The following SLC35F5 variants were observed in gnomAD, a reference collection of about 807,000 sequenced individuals.
SLC35F5 encodes HCV NS5A-transactivated protein 3.
In SLC35F5, 54 loss-of-function variants were observed where a neutral mutation model predicts 68.6. The ratio of observed to expected loss-of-function variants is 0.79; its 90% confidence interval spans 0.63 to 0.99. SLC35F5 has a LOEUF of 0.99. SLC35F5 is among the 50% of genes least tolerant of loss of function. The pLI, the probability that SLC35F5 is intolerant of heterozygous loss-of-function variation, is 0.00. For synonymous variants in SLC35F5, 211 were observed against 205.2 expected (o/e 1.03, Z -0.24); for missense variants, 567 against 626.9 (o/e 0.90, Z 1.02).
intron 7 of SLC35F5, among the ~76,000 whole-genome samples, chr2:113,736,853 C>T (rs1189035610): frequency 6.6e-6 from 1 of 152,076 alleles, no homozygotes; most frequent in Non-Finnish European, 1.5e-5. Context: ...AGAAATAATG[C>T]TTTTTTTGAT....
Position 113,750,578 on chromosome 2 carries a change from A to T in SLC35F5, c.274-10T>A. On this transcript the variant is annotated splice_polypyrimidine_tract_variant and intron_variant, in intron 3 of 15. Transcript: ENST00000245680. ...ACTGGGTAAAAACATACTGTAGAGG[A>T]AAAAGTTACACAGACAACTCTGAGA... 6.3e-7 allele frequency: 1 copy of T among 1,593,978 alleles called. No individual in the cohort carries two copies. The highest frequency in any genetic ancestry group is 8.5e-7 in the Non-Finnish European group (1 of 1,171,250).
downstream of SLC35F5, chr2:113,703,924 CTCCTCGCGG>C (rs1686743990): frequency 6.6e-6 from 1 of 152,442 alleles, no homozygotes; most frequent in Admixed American, 6.5e-5. Context: ...GAAGCCGTGG[CTCCTCGCGG>C]TGAGTGTTAC....
At chr2:113,755,924 C>A in intron 1 of SLC35F5, 2 of 1,550,484 alleles carry the variant, frequency 1.3e-6, no homozygotes, top group South Asian at 2.4e-5. Flanking sequence ...TCTTTTCTGT[C>A]CCTGATCTGC....
chr2:113,755,145 C>T lies in SLC35F5; in HGVS notation c.273+20G>A, dbSNP rs373164471. Reference sequence around the variant, plus strand: ...ATTGTGGCTGTAATGTAACATCATTCCTGGACCAAAGGTACATACCGAAGT... The same window carrying T: ...ATTGTGGCTGTAATGTAACATCATTTCTGGACCAAAGGTACATACCGAAGT... On this transcript the variant is annotated intron_variant, in intron 3 of 15. Transcript: ENST00000245680. 29 of 1,611,292 alleles carry T rather than the reference C, an allele frequency of 1.8e-5. No homozygotes were observed. The African/African-American group carries it at 3.6e-4, about 20-fold the overall frequency.
downstream of SLC35F5, among the ~76,000 whole-genome samples, chr2:113,703,162 TTCTCTC>T (rs142671681): frequency 2.2e-4 from 32 of 147,306 alleles, no homozygotes; most frequent in Middle Eastern, 3.5e-3. Context: ...ATGAATCTCT[TTCTCTC>T]TCTCTCTCTC....
intron 9 of SLC35F5, among the ~76,000 whole-genome samples, chr2:113,731,870 C>G (rs888375733): frequency 6.6e-6 from 1 of 151,818 alleles, no homozygotes; most frequent in Non-Finnish European, 1.5e-5. Flanking sequence ...AATATTATAC[C>G]TTATAAGGAA....
intron 6 of SLC35F5, among the ~76,000 whole-genome samples, chr2:113,743,496 AT>A (rs1676366699): frequency 6.6e-6 from 1 of 152,126 alleles, no homozygotes; most frequent in Non-Finnish European, 1.5e-5. Context: ...AACCATAGAG[AT>A]TTATGGTATT....
At position 113,713,323 on chromosome 2, in the gene SLC35F5, T is replaced by G. The variant is rs908174174; in HGVS notation, c.*1895A>C. ...GGCTTAGTACTTCCAGAATCCTGAG[T>G]AACAACACATGACCTGTGTGATGAT... On this transcript the variant is annotated 3_prime_UTR_variant, in exon 16 of 16. Coordinates refer to ENST00000245680, the MANE Select transcript of SLC35F5 (RefSeq NM_025181.5). 4.6e-5 allele frequency: 7 copies of G among 152,196 alleles called. 1 individual carries two copies. Among genetic ancestry groups the G allele is most frequent in the Admixed American group, 4.6e-4 (7 of 15,282 alleles). 9.4% of individuals were successfully genotyped at this position (152,196 alleles called of 1,614,324 possible).
rs1676377560 is a variant in SLC35F5, at chr2:113,743,783, C to T, written c.492G>A (p.Leu164=). ...GATCATGGAATTTCACAGGCACATACAGAGGTTCACTCTGGAATGTAACAG... is the reference window on the plus strand; with the variant it reads ...GATCATGGAATTTCACAGGCACATATAGAGGTTCACTCTGGAATGTAACAG... ...TTMNSSLSEP[L]YVPVKFHDLP... Residue 164 remains leucine (L), a synonymous_variant, in exon 6 of 16, where the codon CTG becomes CTA. Coordinates refer to ENST00000245680, the MANE Select transcript of SLC35F5 (RefSeq NM_025181.5). 2 of 1,606,236 alleles carry T rather than the reference C, an allele frequency of 1.2e-6. No homozygotes were observed. The highest frequency in any genetic ancestry group is 1.3e-5 in the African/African-American group (1 of 74,804).
At chr2:113,733,405 T>G (rs1327215954) in intron 9 of SLC35F5, 1 of 343,596 alleles carries the variant, frequency 2.9e-6, no homozygotes, top group Non-Finnish European at 6.0e-6. Context: ...TTATCAAGTC[T>G]TTATTAAGAT....
rs397800760 is a variant in SLC35F5 at position 113,723,238 on chromosome 2, C to CAA, written c.1251-45_1251-44insTT. The CAA allele has an allele frequency of 1.2e-5, 17 of 1,417,946 alleles. No homozygotes were observed. In the Admixed American group the frequency reaches 2.8e-4, roughly 23 times the overall value. The allele number at this position is 1,417,946 out of a possible 1,614,324, so 87.8% of individuals were successfully genotyped here. A position where few individuals can be genotyped will look rare whatever the true frequency, so the allele number is the denominator to read the frequency against. On this transcript the variant is annotated intron_variant, in intron 12 of 15. Transcript: ENST00000245680. ...ACATTTCTATATTTAAAAAATTAAACCAAAGAAAAACACTGAACAAAGACT... is the reference window on the plus strand; with the variant it reads ...ACATTTCTATATTTAAAAAATTAAACAACAAAGAAAAACACTGAACAAAGACT...
At position 113,756,636 on chromosome 2, in the gene SLC35F5, G is replaced by C. The variant is rs1408171419; in HGVS notation, c.-227C>G. On this transcript the variant is annotated 5_prime_UTR_variant, in exon 1 of 16. Transcript: ENST00000245680. Reference sequence around the variant, plus strand: ...AGTCAGCTATGGCCGCGGAGGCCCGGAGATCTGCTCTGGCCCCGGCCCCGC... The same window carrying C: ...AGTCAGCTATGGCCGCGGAGGCCCGCAGATCTGCTCTGGCCCCGGCCCCGC... The C allele has an allele frequency of 2.4e-6, 3 of 1,233,758 alleles. No individual in the cohort carries two copies. Among genetic ancestry groups the C allele is most frequent in the African/African-American group, 3.2e-5 (2 of 62,324 alleles). The allele number at this position is 1,233,758 out of a possible 1,614,324, so 76.4% of individuals were successfully genotyped here. A position where few individuals can be genotyped will look rare whatever the true frequency, so the allele number is the denominator to read the frequency against.
downstream of SLC35F5, among the ~76,000 whole-genome samples, chr2:113,704,249 G>C (rs1485699911): frequency 6.6e-6 from 1 of 152,198 alleles, no homozygotes; most frequent in Non-Finnish European, 1.5e-5. Context: ...CCATTTTACA[G>C]AGAGCGAGTG....
Position 113,714,775 on chromosome 2 carries a change from C to T in SLC35F5, c.*443G>A, listed in dbSNP as rs577010175. 15 of 152,550 alleles carry T rather than the reference C, an allele frequency of 9.8e-5. No homozygotes were observed. The highest frequency in any genetic ancestry group is 3.6e-4 in the African/African-American group (15 of 41,568). 9.4% of individuals were successfully genotyped at this position (152,550 alleles called of 1,614,324 possible). A position where few individuals can be genotyped will look rare whatever the true frequency, so the allele number is the denominator to read the frequency against. On this transcript the variant is annotated 3_prime_UTR_variant, in exon 16 of 16. Coordinates refer to ENST00000245680, the MANE Select transcript of SLC35F5 (RefSeq NM_025181.5). ...CCAAAAATATAATCCACACTTATTACAGGTAGCTTATTTTAGCATTTTACC... is the reference window on the plus strand; with the variant it reads ...CCAAAAATATAATCCACACTTATTATAGGTAGCTTATTTTAGCATTTTACC...
intron 3 of SLC35F5, among the ~76,000 whole-genome samples, chr2:113,753,162 G>GTTTT (rs143010470): frequency 1.5e-3 from 76 of 50,516 alleles, no homozygotes; most frequent in African/African-American, 1.9e-3. Context: ...TCCAAAGTTT[G>GTTTT]TTTTTCTTTT....
At chr2:113,755,068 T>C (rs1239403442) in intron 3 of SLC35F5, 97 bp downstream of exon 3, 1 of 1,278,556 alleles carries the variant, frequency 7.8e-7, no homozygotes, top group Non-Finnish European at 1.1e-6. Context: ...GATACTGCTT[T>C]TAGAAAGCAG....
Position 113,707,288 on chromosome 2 carries a change from A to T in SLC35F5, c.*7930T>A, listed in dbSNP as rs1686824836. 6.6e-6 allele frequency among the ~76,000 whole-genome samples: 1 copy of T among 152,224 alleles called. No individual in the cohort carries two copies. Among genetic ancestry groups the T allele is most frequent in the East Asian group, 1.9e-4 (1 of 5,194 alleles). On this transcript the variant is annotated 3_prime_UTR_variant, in exon 16 of 16. Coordinates refer to ENST00000245680, the MANE Select transcript of SLC35F5 (RefSeq NM_025181.5). ...CACATAGCTACTGATTACTCAATAC[A>T]GGCCTATCAGATAAAACTAAAATGC...
At chr2:113,715,867 A>T (rs1364483118) in intron 15 of SLC35F5, among the ~76,000 whole-genome samples, 2 of 152,124 alleles carry the variant, frequency 1.3e-5, no homozygotes, top group African/African-American at 2.4e-5. Context: ...ACGTTTTTTT[A>T]AATTTAAAGA....
At chr2:113,705,982 T>C (rs1305505307), downstream of SLC35F5, among the ~76,000 whole-genome samples, 1 of 152,208 alleles carries the variant, frequency 6.6e-6, no homozygotes, top group Non-Finnish European at 1.5e-5. Context: ...GCAGGTACTT[T>C]CCCCTAATTC....
Sources: allele counts gnomAD v4.1 joint callset (sites outside exome capture counted in the v4.1 genomes callset), GRCh38; gene constraint gnomAD v4.1.1; transcripts MANE v1.5; gene names NCBI Gene and HGNC (gene_info 2026-07-23, HGNC 2026-07-21).